The following NRXN3 variants were observed in gnomAD, a reference collection of about 807,000 sequenced individuals.
The protein encoded by NRXN3 is neurexin III.
A neutral mutation model predicts 137.6 loss-of-function variants in NRXN3; 32 were observed. The observed-to-expected ratio is 0.23, with a 90% CI of 0.18 to 0.31. The LOEUF (loss-of-function observed/expected upper bound fraction) is 0.31. Among genes scored for constraint, NRXN3 ranks in the 10% least tolerant of loss-of-function variants. NRXN3 has a pLI of 1.00. For missense variants in NRXN3, 1,574 were observed against 2,062.5 expected, an observed-to-expected ratio of 0.76 and a Z score of 4.59; for synonymous variants, 798 against 784.5, an observed-to-expected ratio of 1.02 and a Z score of -0.29.
chr14:78,517,396 T>C (rs2096224470), intron 4 of NRXN3, among the ~76,000 whole-genome samples: 1 of 152,114 alleles, frequency 6.6e-6, no homozygotes, highest in South Asian at 2.1e-4. Context: ...TAGAATTTGG[T>C]GAGAGGGGGC....
chr14:78,240,375 G>A (rs934481958), intron 1 of NRXN3, among the ~76,000 whole-genome samples: 4 of 152,206 alleles, frequency 2.6e-5, no homozygotes, highest in African/African-American at 9.6e-5. Flanking sequence ...TTCTCTATGA[G>A]GAACATATAA....
chr14:79,043,687 G>A (rs2099628645), intron 15 of NRXN3, among the ~76,000 whole-genome samples: 1 of 152,180 alleles, frequency 6.6e-6, no homozygotes. Context: ...GGTGGCGGCA[G>A]TGTGGCTTGT....
rs145370755 is a variant in NRXN3 at position 79,637,620 on chromosome 14, T to C, written c.3445-26158T>C. Among the ~76,000 whole-genome samples, 230 of 152,240 alleles carry C rather than the reference T, an allele frequency of 1.5e-3. 2 individuals are homozygous for C. The highest frequency in any genetic ancestry group is 5.1e-3 in the African/African-American group (211 of 41,522). Reference sequence around the variant, plus strand: ...CTCATCAAGAAAATCAGCTGACTTATTAGTTCTTCTGGATCTGGTTGGAGT... The same window carrying C: ...CTCATCAAGAAAATCAGCTGACTTACTAGTTCTTCTGGATCTGGTTGGAGT... On this transcript the variant is annotated intron_variant, in intron 16 of 20. Transcript: ENST00000335750.
chr14:79,088,698 T>A (rs2048602924), intron 15 of NRXN3, among the ~76,000 whole-genome samples: 1 of 152,134 alleles, frequency 6.6e-6, no homozygotes, highest in Non-Finnish European at 1.5e-5. Context: ...AATGTAAACA[T>A]ATAAACACTT....
chr14:78,396,126 T>A (rs1308627758), intron 4 of NRXN3, among the ~76,000 whole-genome samples: 1 of 151,870 alleles, frequency 6.6e-6, no homozygotes, highest in African/African-American at 2.4e-5. Context: ...GTATTTTGAA[T>A]GTATTTCTTT....
At position 78,302,378 on chromosome 14, in the gene NRXN3, C is replaced by T. The variant is rs564988754; in HGVS notation, c.757+4518C>T. ...GTCACACTTAATGCTCATAACTCAT[C>T]TGTGAGGTAGGTGGTGGCATTATTC... On this transcript the variant is annotated intron_variant, in intron 4 of 20. Transcript: ENST00000335750. Among the ~76,000 whole-genome samples, 7 of 152,290 alleles carry T rather than the reference C, an allele frequency of 4.6e-5. No homozygotes were observed. The Middle Eastern group carries it at 0.01, about 222-fold the overall frequency.
chr14:78,704,405 G>T lies in NRXN3; in HGVS notation c.1222-4812G>T, dbSNP rs114784799. On this transcript the variant is annotated intron_variant, in intron 6 of 20. Coordinates refer to ENST00000335750, the MANE Select transcript of NRXN3 (RefSeq NM_001330195.2). ...TAGAGAGGCTGGAGAGAAGAGAAAG[G>T]CACTGCAGCCTAGGAAACCCAGTGA... Among the ~76,000 whole-genome samples, 1,367 of 152,238 alleles carry T rather than the reference G, an allele frequency of 9.0e-3. 29 individuals are homozygous for T. Among genetic ancestry groups the T allele is most frequent in the African/African-American group, 0.032 (1,312 of 41,528 alleles).
intron 8 of NRXN3, among the ~76,000 whole-genome samples, chr14:78,729,826 C>A (rs2098506189): frequency 6.6e-6 from 1 of 152,122 alleles, no homozygotes; most frequent in Non-Finnish European, 1.5e-5. Context: ...GGCTATGTAT[C>A]CCCAGTGCCA....
chr14:79,573,518 G>A (rs190249362), intron 16 of NRXN3, among the ~76,000 whole-genome samples: 10 of 151,914 alleles, frequency 6.6e-5, no homozygotes, highest in East Asian at 1.9e-4. Context: ...GAAACCACTC[G>A]CAGGCCAGCA....
At chr14:79,461,924 T>C (rs1226426730) in intron 15 of NRXN3, among the ~76,000 whole-genome samples, 3 of 152,180 alleles carry the variant, frequency 2.0e-5, no homozygotes, top group Admixed American at 6.5e-5. Context: ...GAGGCAATGA[T>C]CAAAGAGAAC....
At chr14:79,831,346 G>A (rs1210493646) in intron 20 of NRXN3, among the ~76,000 whole-genome samples, 1 of 152,294 alleles carries the variant, frequency 6.6e-6, no homozygotes, top group East Asian at 1.9e-4. Context: ...GTACAAGAAT[G>A]TTAATGCAGA....
At chr14:79,818,697 A>AAAACT (rs2099260964) in intron 20 of NRXN3, among the ~76,000 whole-genome samples, 1 of 152,210 alleles carries the variant, frequency 6.6e-6, no homozygotes, top group Non-Finnish European at 1.5e-5. Context: ...TTATGCATCC[A>AAAACT]AAACTATTTT....
At chr14:79,662,885 C>T (rs1343035055) in intron 16 of NRXN3, among the ~76,000 whole-genome samples, 1 of 152,070 alleles carries the variant, frequency 6.6e-6, no homozygotes, top group South Asian at 2.1e-4. Flanking sequence ...ATCCAATCAC[C>T]TCCCACCAGG....
At chr14:79,761,173 C>A (rs569908680) in intron 19 of NRXN3, among the ~76,000 whole-genome samples, 13 of 151,640 alleles carry the variant, frequency 8.6e-5, no homozygotes, top group Non-Finnish European at 1.9e-4. Context: ...CTGTTGTTGA[C>A]CTTAGCTTTT....
chr14:78,826,168 T>C (rs2098965951), intron 10 of NRXN3, among the ~76,000 whole-genome samples: 1 of 152,230 alleles, frequency 6.6e-6, no homozygotes, highest in African/African-American at 2.4e-5. Context: ...TGTGATCTAG[T>C]GCCAAATAAA....
intron 1 of NRXN3, among the ~76,000 whole-genome samples, chr14:78,171,780 C>T (rs147566090): frequency 1.3e-5 from 2 of 152,180 alleles, no homozygotes; most frequent in African/African-American, 4.8e-5. Flanking sequence ...AAATGTCTGC[C>T]TCTTTTAATT....
chr14:79,624,375 A>G (rs2098258811), intron 16 of NRXN3, among the ~76,000 whole-genome samples: 1 of 152,182 alleles, frequency 6.6e-6, no homozygotes, highest in Non-Finnish European at 1.5e-5. Context: ...CTACAGACTC[A>G]TGGTATAGGT....
chr14:78,465,742 C>G (rs994522528), intron 4 of NRXN3, among the ~76,000 whole-genome samples: 1 of 151,660 alleles, frequency 6.6e-6, no homozygotes, highest in African/African-American at 2.4e-5. Context: ...ACCGTGTTGG[C>G]CAAGATGGTC....
chr14:79,621,487 A>T (rs938177609), intron 16 of NRXN3, among the ~76,000 whole-genome samples: 1 of 152,196 alleles, frequency 6.6e-6, no homozygotes, highest in African/African-American at 2.4e-5. Flanking sequence ...TTCTGTACAT[A>T]TTACATGTTA....
Sources: gnomAD v4.1 joint callset for allele counts (sites outside exome capture counted in the v4.1 genomes callset) on GRCh38, gnomAD v4.1.1 for gene constraint, MANE v1.5 for transcripts, NCBI Gene and HGNC (gene_info 2026-07-23, HGNC 2026-07-21) for gene names.